Variants in SPACA6 observed in about 807,000 individuals in gnomAD.
SPACA6 encodes the protein sperm acrosome membrane-associated protein 6.
For missense variants in SPACA6, 8 were observed against 2.8 expected (o/e 2.88, Z -1.34); for synonymous variants, 6 against 1.5 (o/e 4.05, Z -2.21).
rs141216800 is a variant in SPACA6 at position 51,701,644 on chromosome 19, C to T, written c.293-14C>T. 7.5e-6 allele frequency: 3 copies of T among 398,814 alleles called. No individual in the cohort carries two copies. Among genetic ancestry groups the T allele is most frequent in the Non-Finnish European group, 1.3e-5 (3 of 226,046 alleles). 24.7% of individuals were successfully genotyped at this position (398,814 alleles called of 1,614,324 possible). On this transcript the variant is annotated splice_polypyrimidine_tract_variant and intron_variant, in intron 2 of 8. Coordinates refer to ENST00000637797, the MANE Select transcript of SPACA6 (RefSeq NM_001316972.2). The stretch of plus-strand genomic sequence containing the variant: ...GGCTTTACTACACAGGCCGTCCTCC[C>T]CTCCACTCTCCAGGATCCTTTGAGG...
chr19:51,701,669 G>T lies in SPACA6; in HGVS notation c.304G>T (p.Val102Phe). ...CCTCCACTCTCCAGGATCCTTTGAG[G>T]TTGCCTTCCCTGATGCTGCGGAGAA... ...ELAAAQGSFE[V>F]AFPDAAEKMK... Residue 102 changes from valine (V) to phenylalanine (F), a missense_variant, in exon 3 of 9, where the codon GTT (valine) becomes TTT (phenylalanine). Transcript: ENST00000637797. 1 of 399,020 alleles carries T rather than the reference G, an allele frequency of 2.5e-6. No individual in the cohort carries two copies. Among genetic ancestry groups the T allele is most frequent in the Non-Finnish European group, 4.4e-6 (1 of 226,104 alleles). The allele number at this position is 399,020 out of a possible 1,614,324, so 24.7% of individuals were successfully genotyped here. A position where few individuals can be genotyped will look rare whatever the true frequency, so the allele number is the denominator to read the frequency against.
upstream of SPACA6, chr19:51,693,156 G>A (rs41275794): frequency 0.025 from 11,166 of 445,190 alleles, 267 homozygotes; most frequent in East Asian, 0.1. Context: ...TATTTCTGTC[G>A]TTTTTGGTCT....
chr19:51,710,418 T>G (rs1362218134), intron 2 of SPACA6, among the ~76,000 whole-genome samples: 1 of 152,236 alleles, frequency 6.6e-6, no homozygotes, highest in Non-Finnish European at 1.5e-5. Context: ...AGCTCTAGCA[T>G]TTTTTGGCCT....
chr19:51,706,901 C>T (rs538896868), downstream of SPACA6, among the ~76,000 whole-genome samples: 5 of 152,300 alleles, frequency 3.3e-5, no homozygotes, highest in African/African-American at 9.6e-5. Flanking sequence ...TCAGGTGATC[C>T]ACCTGTCTCA....
Position 51,704,013 on chromosome 19 carries a change from A to G in SPACA6, c.574-17A>G. 2.5e-6 allele frequency: 1 copy of G among 400,146 alleles called. No individual in the cohort carries two copies. The highest frequency in any genetic ancestry group is 4.4e-6 in the Non-Finnish European group (1 of 226,004). 24.8% of individuals were successfully genotyped at this position (400,146 alleles called of 1,614,324 possible). ...GGCAAGCCGGAGTTGAGGCGTTTAA[A>G]CCCGCGTGTCCCGCAGCTCCGGACT... On this transcript the variant is annotated splice_polypyrimidine_tract_variant and intron_variant, in intron 6 of 8. Transcript: ENST00000637797.
intron 2 of SPACA6, among the ~76,000 whole-genome samples, chr19:51,696,922 G>A (rs1247062367): frequency 2.0e-5 from 3 of 152,174 alleles, no homozygotes; most frequent in African/African-American, 7.2e-5. Flanking sequence ...TGGGGCTGGA[G>A]TAAAGGTGAA....
intron 2 of SPACA6, among the ~76,000 whole-genome samples, chr19:51,711,759 T>C (rs1274305602): frequency 2.0e-5 from 3 of 147,526 alleles, no homozygotes; most frequent in Non-Finnish European, 4.5e-5. Flanking sequence ...AACCTTGATA[T>C]GCTAAATGAA....
In SPACA6 at chr19:51,704,035, G is replaced by C; in HGVS notation, c.579G>C (p.Arg193=). 5.0e-6 allele frequency: 2 copies of C among 401,186 alleles called. No individual in the cohort carries two copies. Among genetic ancestry groups the C allele is most frequent in the Non-Finnish European group, 8.8e-6 (2 of 226,236 alleles). 24.9% of individuals were successfully genotyped at this position (401,186 alleles called of 1,614,324 possible). The change falls in exon 7 of 9, where the codon CGG becomes CGC. Residue 193 remains arginine, a synonymous_variant. Coordinates refer to ENST00000637797, the MANE Select transcript of SPACA6 (RefSeq NM_001316972.2). The stretch of plus-strand genomic sequence containing the variant: ...TAAACCCGCGTGTCCCGCAGCTCCG[G>C]ACTCAGGACTTGTCCTATTTCCGAG... ...YSWKFAGGGL[R]TQDLSYFRDM... is the part of the protein sequence containing the mutation.
At chr19:51,713,118 A>G, downstream of SPACA6, 1 of 324,920 alleles carries the variant, frequency 3.1e-6, no homozygotes, top group Non-Finnish European at 5.6e-6. The surrounding 1 kb of genome is among the most constrained non-coding windows in gnomAD (Gnocchi z 4.5). Context: ...GGGGGAAAAT[A>G]AATAAAATTC....
chr19:51,691,023 G>GGA (rs1189195344), upstream of SPACA6, among the ~76,000 whole-genome samples: 1 of 46 alleles, frequency 0.022, no homozygotes, highest in Non-Finnish European at 0.038. Context: ...GAAGAGAGCT[G>GGA]GCCGTAGACC....
intron 2 of SPACA6, among the ~76,000 whole-genome samples, chr19:51,698,755 C>T (rs1020774504): frequency 1.3e-5 from 2 of 152,202 alleles, no homozygotes; most frequent in African/African-American, 4.8e-5. Context: ...ACAGAGGACG[C>T]TTTCCCCTGT....
At chr19:51,709,832 A>G (rs1046246102), downstream of SPACA6, among the ~76,000 whole-genome samples, 1 of 152,122 alleles carries the variant, frequency 6.6e-6, no homozygotes, top group Non-Finnish European at 1.5e-5. Context: ...GGCTCTAGAT[A>G]TGTCTTGAAG....
At position 51,703,577 on chromosome 19, in the gene SPACA6, G is replaced by C. The variant is rs181747121; in HGVS notation, c.573+240G>C. 1.4e-3 allele frequency among the ~76,000 whole-genome samples: 217 copies of C among 152,264 alleles called. No homozygotes were observed. The highest frequency in any genetic ancestry group is 5.0e-3 in the African/African-American group (207 of 41,560). On this transcript the variant is annotated intron_variant, in intron 6 of 8. Transcript: ENST00000637797. This position sits in a 1 kb window ranked among gnomAD's most constrained non-coding sequence, Gnocchi z 4.2. ...TTTTGGAGACCAAGGCGGGAGGATG[G>C]CTTGAGCCCAGGAGTTTGAGACCGG...
chr19:51,684,945 T>C (rs2083321726), upstream of SPACA6, among the ~76,000 whole-genome samples: 1 of 152,206 alleles, frequency 6.6e-6, no homozygotes, highest in Non-Finnish European at 1.5e-5. Context: ...TCCCCCCACA[T>C]GGAAGGATTG....
chr19:51,689,511 G>T (rs954494426), upstream of SPACA6: 2 of 152,032 alleles, frequency 1.3e-5, no homozygotes, highest in African/African-American at 4.8e-5. Context: ...GCTCGGCGGC[G>T]GTGGGGCCCG....
At chr19:51,706,836 T>G (rs1372695144), downstream of SPACA6, among the ~76,000 whole-genome samples, 1 of 152,182 alleles carries the variant, frequency 6.6e-6, no homozygotes, top group Non-Finnish European at 1.5e-5. Flanking sequence ...ATTTTGTATT[T>G]TTGGAAGAGA....
chr19:51,702,577 CA>C (rs3835114), intron 3 of SPACA6, 51 bp from the exon 4 acceptor site: 137,427 of 398,630 alleles, frequency 0.34, 24,681 homozygotes, highest in African/African-American at 0.47. Context: ...GAGCATCGGG[CA>C]AGGGTTCTTC....
chr19:51,702,398 C>T (rs916752045), intron 3 of SPACA6: 4 of 377,390 alleles, frequency 1.1e-5, no homozygotes, highest in African/African-American at 8.3e-5. Flanking sequence ...CTCTAAACCC[C>T]AAGTAGAAGG....
Position 51,703,446 on chromosome 19 carries a change from C to T in SPACA6, c.573+109C>T, listed in dbSNP as rs189270413. 495 of 397,536 alleles carry T rather than the reference C, an allele frequency of 1.2e-3. 1 individual carries two copies. Among genetic ancestry groups the T allele is most frequent in the Admixed American group, 2.6e-3 (59 of 22,682 alleles). The allele number at this position is 397,536 out of a possible 1,614,324, so 24.6% of individuals were successfully genotyped here. ...GGGACTCCGGGAATCTCCGTCTAGACACAAGCATCAGCAAGAGGAGGGTCG... is the reference window on the plus strand; with the variant it reads ...GGGACTCCGGGAATCTCCGTCTAGATACAAGCATCAGCAAGAGGAGGGTCG... On this transcript the variant is annotated intron_variant, in intron 6 of 8. Coordinates refer to ENST00000637797, the MANE Select transcript of SPACA6 (RefSeq NM_001316972.2). This position sits in a 1 kb window ranked among gnomAD's most constrained non-coding sequence, Gnocchi z 4.2.
Sources: allele counts gnomAD v4.1 joint callset (sites outside exome capture counted in the v4.1 genomes callset), GRCh38; gene constraint gnomAD v4.1.1; non-coding constraint Gnocchi (gnomAD v3.1); transcripts MANE v1.5; gene names NCBI Gene and HGNC (gene_info 2026-07-23, HGNC 2026-07-21).